ENAH: variants seen among roughly 807,000 people sequenced by gnomAD.
ENAH encodes the protein protein enabled homolog.
ENAH carries 23 observed loss-of-function variants against 78.7 expected under a neutral mutation model. The observed-to-expected ratio is 0.29, with a 90% CI of 0.21 to 0.41. The LOEUF is 0.41. ENAH is among the 10% of genes least tolerant of loss of function. The pLI is 1.00. For missense variants in ENAH, 544 were observed against 691.0 expected (o/e 0.79, Z 2.39); for synonymous variants, 226 against 241.0 (o/e 0.94, Z 0.58).
At chr1:225,595,422 A>G (rs911216698) in intron 1 of ENAH, among the ~76,000 whole-genome samples, 11 of 152,180 alleles carry the variant, frequency 7.2e-5, no homozygotes, top group Non-Finnish European at 1.5e-4. Context: ...CAGTTACTCT[A>G]ATTGCTATCA....
chr1:225,617,340 T>C (rs1436415564), intron 1 of ENAH, among the ~76,000 whole-genome samples: 1 of 152,184 alleles, frequency 6.6e-6, no homozygotes, highest in African/African-American at 2.4e-5. Context: ...TTCCAGGCCC[T>C]ATACATTATC....
intron 1 of ENAH, among the ~76,000 whole-genome samples, chr1:225,626,073 G>A (rs1464542281): frequency 6.6e-6 from 1 of 152,080 alleles, no homozygotes; most frequent in Non-Finnish European, 1.5e-5. Flanking sequence ...ATGAAAGCTG[G>A]AATAATGGGA....
rs184670333 is a variant in ENAH, at chr1:225,496,659, A to G, written c.*1116T>C. ...CTGGTTAAAATACAAATAGCTGAAG[A>G]CATGATGTAAAAGATTAAGTACTTG... On this transcript the variant is annotated 3_prime_UTR_variant, in exon 14 of 14. Coordinates refer to ENST00000366843, the MANE Select transcript of ENAH (RefSeq NM_018212.6). 4.6e-5 allele frequency: 7 copies of G among 152,820 alleles called. No homozygotes were observed. In the East Asian group the frequency reaches 1.3e-3, roughly 29 times the overall value. 9.5% of individuals were successfully genotyped at this position (152,820 alleles called of 1,614,324 possible).
intron 1 of ENAH, among the ~76,000 whole-genome samples, chr1:225,582,157 TC>T (rs199559593): frequency 6.6e-6 from 1 of 151,366 alleles, no homozygotes; most frequent in East Asian, 1.9e-4. Context: ...CTGGTTGTCT[TC>T]CCCCCCTCTC....
chr1:225,580,200 T>C (rs1167997612), intron 1 of ENAH: 2 of 151,506 alleles, frequency 1.3e-5, no homozygotes, highest in Non-Finnish European at 1.5e-5. Context: ...AAAAAATACA[T>C]ATATATATAT....
intron 1 of ENAH, among the ~76,000 whole-genome samples, chr1:225,578,079 A>G (rs2096796841): frequency 6.6e-6 from 1 of 152,250 alleles, no homozygotes; most frequent in Admixed American, 6.5e-5. Context: ...AAAGACAATT[A>G]GAATGCACAA....
intron 3 of ENAH, chr1:225,535,639 G>A (rs1195977949): frequency 1.3e-6 from 1 of 786,422 alleles, no homozygotes; most frequent in Non-Finnish European, 1.9e-6. Context: ...AAACTAAAAG[G>A]TGCTTTGAAA....
rs933293689 is a variant in ENAH, at chr1:225,493,377, A to G, written c.*4398T>C. The G allele has an allele frequency of 1.3e-5, 2 of 152,232 alleles. No individual in the cohort carries two copies. The highest frequency in any genetic ancestry group is 2.9e-5 in the Non-Finnish European group (2 of 68,030). 9.4% of individuals were successfully genotyped at this position (152,232 alleles called of 1,614,324 possible). A position where few individuals can be genotyped will look rare whatever the true frequency, so the allele number is the denominator to read the frequency against. On this transcript the variant is annotated 3_prime_UTR_variant, in exon 14 of 14. Coordinates refer to ENST00000366843, the MANE Select transcript of ENAH (RefSeq NM_018212.6). ...TAATTGTCCTCTACTATGTCTTTAC[A>G]TAGCCAAAGCTACCTACATCAATTT...
At chr1:225,633,559 G>T (rs1659507576) in intron 1 of ENAH, among the ~76,000 whole-genome samples, 1 of 152,140 alleles carries the variant, frequency 6.6e-6, no homozygotes, top group Admixed American at 6.5e-5. Flanking sequence ...ACTTAGATCT[G>T]AATTTCAGCT....
chr1:225,504,285 AG>A (rs2096308261), intron 11 of ENAH, among the ~76,000 whole-genome samples: 1 of 152,156 alleles, frequency 6.6e-6, no homozygotes, highest in South Asian at 2.1e-4. Context: ...CTGAAACTAT[AG>A]GTGTGAACCA....
intron 1 of ENAH, among the ~76,000 whole-genome samples, chr1:225,610,616 CA>C (rs541670193): frequency 6.8e-4 from 103 of 152,070 alleles, no homozygotes; most frequent in Non-Finnish European, 1.1e-3. Flanking sequence ...GAAGGGGTCA[CA>C]ATCCAAACTT....
intron 3 of ENAH, among the ~76,000 whole-genome samples, chr1:225,546,254 A>G (rs1347625425): frequency 6.6e-6 from 1 of 152,188 alleles, no homozygotes; most frequent in African/African-American, 2.4e-5. Flanking sequence ...GTAAACTTTA[A>G]GAGGATAAGC....
At chr1:225,509,038 C>T (rs2096356384) in intron 10 of ENAH, among the ~76,000 whole-genome samples, 1 of 152,154 alleles carries the variant, frequency 6.6e-6, no homozygotes, top group Non-Finnish European at 1.5e-5. Flanking sequence ...CATTATTGAT[C>T]TTGCTTTACT....
Position 225,562,343 on chromosome 1 carries a change from C to T in ENAH, c.171+4906G>A, listed in dbSNP as rs976052309. Among the ~76,000 whole-genome samples, 78 of 151,810 alleles carry T rather than the reference C, an allele frequency of 5.1e-4. 1 individual carries two copies. Among genetic ancestry groups the T allele is most frequent in the Admixed American group, 5.1e-3 (77 of 15,234 alleles). On this transcript the variant is annotated intron_variant, in intron 2 of 13. Transcript: ENST00000366843. ...ATCCCAGCACTTTGGGAGGCTGAGG[C>T]GGGCAGATCACGAGGTCAGGAGATC...
At chr1:225,630,787 T>G (rs773276213) in intron 1 of ENAH, among the ~76,000 whole-genome samples, 127 of 152,292 alleles carry the variant, frequency 8.3e-4, no homozygotes, top group Non-Finnish European at 1.4e-3. Flanking sequence ...AATTTAAAAA[T>G]AATATGATGT....
chr1:225,507,554 A>AG (rs1402049558), intron 11 of ENAH, among the ~76,000 whole-genome samples: 1 of 152,110 alleles, frequency 6.6e-6, no homozygotes, highest in Non-Finnish European at 1.5e-5. Context: ...AACTAATCAG[A>AG]GGGGAAAAAA....
intron 1 of ENAH, among the ~76,000 whole-genome samples, chr1:225,644,867 C>A (rs2148476385): frequency 6.6e-6 from 1 of 152,258 alleles, no homozygotes; most frequent in East Asian, 1.9e-4. Flanking sequence ...GTATTTGAGA[C>A]TACTGTAAAC....
intron 10 of ENAH, among the ~76,000 whole-genome samples, chr1:225,510,829 T>C (rs942492309): frequency 3.3e-5 from 5 of 150,464 alleles, no homozygotes; most frequent in South Asian, 2.1e-4. Flanking sequence ...CTGGGCAACA[T>C]GGTGAAACCC....
At chr1:225,504,272 G>A (rs2096308153) in intron 11 of ENAH, among the ~76,000 whole-genome samples, 2 of 152,044 alleles carry the variant, frequency 1.3e-5, no homozygotes, top group South Asian at 2.1e-4. Flanking sequence ...GCCTCCCAAG[G>A]TGCTGAAACT....
Sources: allele counts gnomAD v4.1 joint callset (sites outside exome capture counted in the v4.1 genomes callset), GRCh38; gene constraint gnomAD v4.1.1; transcripts MANE v1.5; gene names NCBI Gene and HGNC (gene_info 2026-07-23, HGNC 2026-07-21).